The following CNTNAP5 variants were observed in gnomAD, a reference collection of about 807,000 sequenced individuals.
CNTNAP5 encodes the protein contactin associated protein family member 5.
Under a neutral mutation model 150.2 loss-of-function variants are expected in CNTNAP5, and 72 were observed. That is an observed-to-expected ratio of 0.48 (90% CI 0.40 to 0.58). The LOEUF (loss-of-function observed/expected upper bound fraction) is 0.58, where lower values mean the gene tolerates loss of function less well. Ranked by LOEUF, CNTNAP5 falls within the 20% of genes least tolerant of loss-of-function variation. CNTNAP5 has a pLI of 0.00. For synonymous variants in CNTNAP5, 672 were observed against 619.8 expected, an observed-to-expected ratio of 1.08 and a Z score of -1.25; for missense variants, 1,636 against 1,626.2, an observed-to-expected ratio of 1.01 and a Z score of -0.10.
chr2:124,275,174 C>G (rs181823281), intron 3 of CNTNAP5, among the ~76,000 whole-genome samples: 2 of 152,140 alleles, frequency 1.3e-5, no homozygotes, highest in Non-Finnish European at 2.9e-5. Context: ...TTACCTGACA[C>G]TGGGTCCCTC....
intron 1 of CNTNAP5, among the ~76,000 whole-genome samples, chr2:124,212,475 A>G (rs1461001279): frequency 6.6e-6 from 1 of 152,208 alleles, no homozygotes; most frequent in Non-Finnish European, 1.5e-5. Flanking sequence ...AAACCCACCA[A>G]ACTATTCCAG....
intron 1 of CNTNAP5, among the ~76,000 whole-genome samples, chr2:124,074,374 T>C (rs1269598927): frequency 6.6e-6 from 1 of 152,168 alleles, no homozygotes; most frequent in Admixed American, 6.6e-5. Flanking sequence ...ATAGAATAGA[T>C]GCTTGAAGGG....
intron 11 of CNTNAP5, among the ~76,000 whole-genome samples, chr2:124,570,100 G>A (rs766109474): frequency 3.3e-5 from 5 of 152,160 alleles, no homozygotes; most frequent in Non-Finnish European, 5.9e-5. Context: ...AGAACGGGAT[G>A]ATATCTGAAT....
At chr2:124,547,994 G>T (rs1165669842) in intron 10 of CNTNAP5, among the ~76,000 whole-genome samples, 2 of 152,100 alleles carry the variant, frequency 1.3e-5, no homozygotes, top group Admixed American at 1.3e-4. Flanking sequence ...TTCCTAAAAT[G>T]GCTTAAACTG....
intron 12 of CNTNAP5, among the ~76,000 whole-genome samples, chr2:124,616,767 T>G: frequency 6.6e-6 from 1 of 152,044 alleles, no homozygotes. Flanking sequence ...TATTGTGGGG[T>G]TACTATTTGG....
At chr2:124,786,447 G>GAAGT (rs1681590308) in intron 17 of CNTNAP5, among the ~76,000 whole-genome samples, 1 of 99,880 alleles carries the variant, frequency 1.0e-5, no homozygotes, top group African/African-American at 4.9e-5. Context: ...AGGAAGGAAG[G>GAAGT]AAAGAAAGAA....
intron 4 of CNTNAP5, among the ~76,000 whole-genome samples, chr2:124,432,729 C>T (rs1372147759): frequency 6.6e-6 from 1 of 152,022 alleles, no homozygotes; most frequent in East Asian, 1.9e-4. Context: ...TGTGAGAAGC[C>T]AAAACATGAC....
At chr2:124,707,042 G>GA (rs1558743488) in intron 13 of CNTNAP5, among the ~76,000 whole-genome samples, 9 of 76,118 alleles carry the variant, frequency 1.2e-4, no homozygotes, top group Admixed American at 4.4e-4. Context: ...GAAGAAGAAG[G>GA]AGGAGGAGGA....
chr2:124,820,473 A>G (rs1162256003), intron 19 of CNTNAP5, among the ~76,000 whole-genome samples: 9 of 151,994 alleles, frequency 5.9e-5, no homozygotes, highest in Non-Finnish European at 1.0e-4. Context: ...GGAAGGGGAA[A>G]AAAAAAACAA....
At chr2:124,724,591 T>G (rs1680117951) in intron 13 of CNTNAP5, among the ~76,000 whole-genome samples, 1 of 151,910 alleles carries the variant, frequency 6.6e-6, no homozygotes, top group Non-Finnish European at 1.5e-5. Flanking sequence ...AAGACACAGT[T>G]GAGTCCAGCT....
At chr2:124,627,017 A>T (rs1677738343) in intron 12 of CNTNAP5, among the ~76,000 whole-genome samples, 1 of 152,138 alleles carries the variant, frequency 6.6e-6, no homozygotes, top group African/African-American at 2.4e-5. Context: ...ATCCCTCCTC[A>T]CTGGAGAGGG....
At chr2:124,684,372 A>G (rs1679146568) in intron 13 of CNTNAP5, among the ~76,000 whole-genome samples, 1 of 152,142 alleles carries the variant, frequency 6.6e-6, no homozygotes, top group Non-Finnish European at 1.5e-5. Context: ...GTCAGAGCTT[A>G]TATCTACCAA....
chr2:124,079,555 C>T (rs1682512798), intron 1 of CNTNAP5, among the ~76,000 whole-genome samples: 1 of 152,148 alleles, frequency 6.6e-6, no homozygotes, highest in Non-Finnish European at 1.5e-5. Flanking sequence ...TCGTTTCAAA[C>T]AGTGCATTGC....
chr2:124,064,683 T>A (rs1224312461), intron 1 of CNTNAP5, among the ~76,000 whole-genome samples: 2 of 152,198 alleles, frequency 1.3e-5, no homozygotes, highest in African/African-American at 4.8e-5. Context: ...GTATCAATAA[T>A]GTCTACCTCT....
chr2:124,671,893 G>C (rs1678831241), intron 13 of CNTNAP5, among the ~76,000 whole-genome samples: 1 of 152,034 alleles, frequency 6.6e-6, no homozygotes. Context: ...TCCCGCTTTG[G>C]CCTCCCAAAG....
intron 7 of CNTNAP5, among the ~76,000 whole-genome samples, chr2:124,491,749 T>C (rs1293496193): frequency 1.3e-5 from 2 of 151,960 alleles, no homozygotes; most frequent in African/African-American, 4.8e-5. Context: ...TCACCAATAC[T>C]TGTACCTTTT....
chr2:124,201,176 A>C (rs1685718572), intron 1 of CNTNAP5, among the ~76,000 whole-genome samples: 1 of 152,180 alleles, frequency 6.6e-6, no homozygotes, highest in Non-Finnish European at 1.5e-5. Context: ...GCACTGCTCG[A>C]CCTGCAGGTC....
chr2:124,786,440 AAGGAAG>A (rs1558775214), intron 17 of CNTNAP5, among the ~76,000 whole-genome samples: 1,351 of 117,610 alleles, frequency 0.011, 41 homozygotes, highest in East Asian at 0.028. Flanking sequence ...GGAAGGAAGG[AAGGAAG>A]GAAAGAAAGA....
At chr2:124,830,947 A>T (rs1311916175) in intron 19 of CNTNAP5, among the ~76,000 whole-genome samples, 6 of 152,068 alleles carry the variant, frequency 3.9e-5, no homozygotes, top group Non-Finnish European at 7.4e-5. Flanking sequence ...TAAATCTGAA[A>T]AGCTTCAAAA....
Sources: allele counts gnomAD v4.1 joint callset (sites outside exome capture counted in the v4.1 genomes callset), GRCh38; gene constraint gnomAD v4.1.1; transcripts MANE v1.5; gene names NCBI Gene and HGNC (gene_info 2026-07-23, HGNC 2026-07-21).